CA10: variants seen among roughly 807,000 people sequenced by gnomAD.
CA10 encodes the protein carbonic anhydrase 10 (inactive).
Under a neutral mutation model 44.2 loss-of-function variants are expected in CA10, and 14 were observed. That is an observed-to-expected ratio of 0.32 (90% CI 0.21 to 0.50). The LOEUF is 0.50. Ranked by LOEUF, CA10 falls within the 20% of genes least tolerant of loss-of-function variation. CA10 has a pLI of 0.99. For missense variants in CA10, 350 were observed against 409.7 expected (o/e 0.85, Z 1.26); for synonymous variants, 159 against 141.6 (o/e 1.12, Z -0.87).
At chr17:51,824,079 G>A (rs949833946) in intron 3 of CA10, among the ~76,000 whole-genome samples, 34 of 128,162 alleles carry the variant, frequency 2.7e-4, no homozygotes, top group Non-Finnish European at 1.2e-4. Context: ...CAATAGAGAT[G>A]TTTTGTTTTG....
intron 3 of CA10, among the ~76,000 whole-genome samples, chr17:51,885,799 G>T (rs1266825177): frequency 6.6e-6 from 1 of 152,158 alleles, no homozygotes; most frequent in Non-Finnish European, 1.5e-5. Context: ...TGCTTGGACT[G>T]TAACAGCTGC....
intron 3 of CA10, among the ~76,000 whole-genome samples, chr17:51,897,847 C>T (rs1233700405): frequency 6.6e-6 from 1 of 151,946 alleles, no homozygotes; most frequent in South Asian, 2.1e-4. Flanking sequence ...AGATCATGTT[C>T]TAGATTTGAC....
At chr17:52,055,938 T>A (rs746699294) in intron 2 of CA10, among the ~76,000 whole-genome samples, 22 of 152,100 alleles carry the variant, frequency 1.4e-4, no homozygotes, top group Non-Finnish European at 2.9e-4. Flanking sequence ...TTTCAGGTGA[T>A]CACATGGGGA....
intron 4 of CA10, among the ~76,000 whole-genome samples, chr17:51,660,163 C>T (rs1913947195): frequency 6.6e-6 from 1 of 152,100 alleles, no homozygotes; most frequent in South Asian, 2.1e-4. Context: ...TTGAACAACT[C>T]CTAAGTAAGG....
At chr17:51,975,453 C>T (rs144137022) in intron 2 of CA10, among the ~76,000 whole-genome samples, 331 of 152,172 alleles carry the variant, frequency 2.2e-3, no homozygotes, top group African/African-American at 7.6e-3. Context: ...CCAAGGCAGG[C>T]AAATCACCTG....
intron 4 of CA10, among the ~76,000 whole-genome samples, chr17:51,717,436 T>A (rs1480590333): frequency 6.6e-6 from 1 of 150,764 alleles, no homozygotes; most frequent in African/African-American, 2.4e-5. Context: ...AAAAGATACT[T>A]GTGCACGCAT....
rs1462685260 is a variant in CA10 at position 52,072,267 on chromosome 17, C to T, written c.136+52G>A. ...GTAAAATCCTGGAAATAATGCTAGC[C>T]TTCATTCTAATTGTTTTTAATAAAT... On this transcript the variant is annotated intron_variant, in intron 2 of 8. Coordinates refer to ENST00000451037, the MANE Select transcript of CA10 (RefSeq NM_020178.5). 2.4e-6 allele frequency: 3 copies of T among 1,265,346 alleles called. No individual in the cohort carries two copies. The East Asian group carries it at 7.2e-5, about 30-fold the overall frequency. The allele number at this position is 1,265,346 out of a possible 1,614,324, so 78.4% of individuals were successfully genotyped here. A position where few individuals can be genotyped will look rare whatever the true frequency, so the allele number is the denominator to read the frequency against.
At chr17:52,061,172 G>A (rs1232117867) in intron 2 of CA10, among the ~76,000 whole-genome samples, 7 of 152,136 alleles carry the variant, frequency 4.6e-5, no homozygotes, top group Non-Finnish European at 7.3e-5. Context: ...AGGATCTTAC[G>A]ATGGGGAGAT....
intron 2 of CA10, among the ~76,000 whole-genome samples, chr17:52,034,288 G>T (rs906178812): frequency 2.6e-5 from 4 of 152,152 alleles, no homozygotes; most frequent in African/African-American, 9.6e-5. Context: ...ATGGTTTCAT[G>T]AGTGTGTATT....
intron 2 of CA10, among the ~76,000 whole-genome samples, chr17:51,989,922 T>C (rs1015741685): frequency 6.6e-6 from 1 of 152,124 alleles, no homozygotes; most frequent in African/African-American, 2.4e-5. Context: ...CTTTACAAGT[T>C]CTATCATCCA....
chr17:52,057,327 C>A (rs1028539390), intron 2 of CA10, among the ~76,000 whole-genome samples: 11 of 152,052 alleles, frequency 7.2e-5, no homozygotes, highest in African/African-American at 2.7e-4. Flanking sequence ...TCTTTTCCCT[C>A]CTCCTCAGCC....
intron 2 of CA10, among the ~76,000 whole-genome samples, chr17:51,946,741 T>G (rs955755276): frequency 1.3e-5 from 2 of 152,212 alleles, no homozygotes; most frequent in Non-Finnish European, 2.9e-5. Context: ...TTCTGTTTTA[T>G]CCAATGTCTC....
chr17:51,845,089 G>T (rs538283793), intron 3 of CA10, among the ~76,000 whole-genome samples: 2 of 152,310 alleles, frequency 1.3e-5, no homozygotes, highest in South Asian at 2.1e-4. Context: ...TGAGGAAGAT[G>T]CAAGGAAGGA....
intron 3 of CA10, among the ~76,000 whole-genome samples, chr17:51,852,478 G>A (rs1978840769): frequency 6.6e-6 from 1 of 152,190 alleles, no homozygotes; most frequent in Non-Finnish European, 1.5e-5. Flanking sequence ...TTGCTTATAT[G>A]TTAAATTTAG....
chr17:51,836,891 G>A (rs948677377), intron 3 of CA10, among the ~76,000 whole-genome samples: 7 of 152,056 alleles, frequency 4.6e-5, no homozygotes, highest in East Asian at 1.9e-4. Context: ...CTTGTTATGC[G>A]TTTTAATTCT....
In CA10 at chr17:51,684,681, A is replaced by C. The variant is rs1334863231; in HGVS notation, c.466-30945T>G. ...GGTTCTCTTTAGTATTAATTTGCTCACTATGAGATTGGAAACTTCTTTATG... is the reference window on the plus strand; with the variant it reads ...GGTTCTCTTTAGTATTAATTTGCTCCCTATGAGATTGGAAACTTCTTTATG... On this transcript the variant is annotated intron_variant, in intron 4 of 8. Coordinates refer to ENST00000451037, the MANE Select transcript of CA10 (RefSeq NM_020178.5). Among the ~76,000 whole-genome samples the C allele has an allele frequency of 2.0e-5, 3 of 152,200 alleles. No individual in the cohort carries two copies. In the East Asian group the frequency reaches 5.8e-4, roughly 29 times the overall value.
At chr17:51,665,760 AATACG>A (rs1336039809) in intron 4 of CA10, among the ~76,000 whole-genome samples, 1 of 152,248 alleles carries the variant, frequency 6.6e-6, no homozygotes, top group Non-Finnish European at 1.5e-5. Context: ...GCTCAATCAA[AATACG>A]ATATTGTAGT....
chr17:51,760,848 T>A (rs2143636349), intron 3 of CA10, among the ~76,000 whole-genome samples: 1 of 152,358 alleles, frequency 6.6e-6, no homozygotes, highest in East Asian at 1.9e-4. Flanking sequence ...GGAGTTTATT[T>A]CATGTAACCC....
At chr17:51,831,937 C>A (rs1014663326) in intron 3 of CA10, among the ~76,000 whole-genome samples, 4 of 152,138 alleles carry the variant, frequency 2.6e-5, no homozygotes, top group African/African-American at 9.7e-5. Flanking sequence ...CAACTGATGC[C>A]TACCAAAATC....
Sources: gnomAD v4.1 joint callset for allele counts (sites outside exome capture counted in the v4.1 genomes callset) on GRCh38, gnomAD v4.1.1 for gene constraint, MANE v1.5 for transcripts, NCBI Gene and HGNC (gene_info 2026-07-23, HGNC 2026-07-21) for gene names.